NID1: variants seen among roughly 807,000 people sequenced by gnomAD.
NID1 encodes nidogen-1.
A neutral mutation model predicts 130.6 loss-of-function variants in NID1; 76 were observed. That is an observed-to-expected ratio of 0.58 (90% CI 0.48 to 0.70). The LOEUF (loss-of-function observed/expected upper bound fraction) is 0.70, where lower values mean the gene tolerates loss of function less well. Ranked by LOEUF, NID1 falls within the 30% of genes least tolerant of loss-of-function variation. The pLI, the probability that NID1 is intolerant of heterozygous loss-of-function variation, is 0.00. For synonymous variants in NID1, 665 were observed against 675.1 expected, an observed-to-expected ratio of 0.98 and a Z score of 0.23; for missense variants, 1,517 against 1,664.8, an observed-to-expected ratio of 0.91 and a Z score of 1.54.
At chr1:236,025,540 G>A (rs1227136164) in intron 8 of NID1, among the ~76,000 whole-genome samples, 1 of 152,176 alleles carries the variant, frequency 6.6e-6, no homozygotes, top group Non-Finnish European at 1.5e-5. Flanking sequence ...GGGATTACAG[G>A]CATGAGCCAC....
intron 1 of NID1, chr1:236,064,618 G>T (rs1004846737): frequency 3.8e-6 from 2 of 531,810 alleles, no homozygotes; most frequent in Non-Finnish European, 6.8e-6. Context: ...CCGGGGTCAC[G>T]GCCCGGGGCG....
intron 1 of NID1, among the ~76,000 whole-genome samples, chr1:236,057,884 AG>A (rs1659940348): frequency 6.6e-6 from 1 of 152,058 alleles, no homozygotes; most frequent in Non-Finnish European, 1.5e-5. Context: ...CCTCCCAACC[AG>A]GGTTTATCAC....
chr1:236,041,620 G>A (rs761061381), intron 4 of NID1, among the ~76,000 whole-genome samples: 3 of 152,116 alleles, frequency 2.0e-5, no homozygotes, highest in Non-Finnish European at 4.4e-5. Context: ...TCTAACGGAC[G>A]TTTTCTCTTT....
intron 5 of NID1, among the ~76,000 whole-genome samples, chr1:236,036,874 T>A (rs879178876): frequency 6.6e-6 from 1 of 152,220 alleles, no homozygotes; most frequent in Non-Finnish European, 1.5e-5. Flanking sequence ...TCAGCCTCCA[T>A]CACTGTAAGA....
chr1:236,002,640 C>T (rs1290800059), intron 12 of NID1, among the ~76,000 whole-genome samples: 1 of 152,128 alleles, frequency 6.6e-6, no homozygotes, highest in African/African-American at 2.4e-5. Flanking sequence ...AGAGTGCAGA[C>T]GGATAGGAAG....
chr1:236,024,133 G>A lies in NID1; in HGVS notation c.2065C>T (p.Pro689Ser). 6.2e-7 allele frequency: 1 copy of A among 1,614,246 alleles called. No individual in the cohort carries two copies. Among genetic ancestry groups the A allele is most frequent in the Non-Finnish European group, 8.5e-7 (1 of 1,180,044 alleles). The change falls in exon 9 of 20, where the codon CCC (proline) becomes TCC (serine). Residue 689 changes from proline (P) to serine (S), a missense_variant. Transcript: ENST00000264187. ...CACTCGCAGGTGAACTGTGTCCTGGGACCAGGGCGACAGGCCGCGTTGGTG... is the reference window on the plus strand; with the variant it reads ...CACTCGCAGGTGAACTGTGTCCTGGAACCAGGGCGACAGGCCGCGTTGGTG... ...CDTNAACRPG[P>S]RTQFTCECSI...
At chr1:235,992,985 G>A (rs201738232) in intron 13 of NID1, among the ~76,000 whole-genome samples, 2 of 151,824 alleles carry the variant, frequency 1.3e-5, no homozygotes, top group Non-Finnish European at 2.9e-5. Context: ...GACTGGGGAC[G>A]CTGAGGCTGG....
At chr1:236,051,634 C>T (rs1057275946) in intron 1 of NID1, among the ~76,000 whole-genome samples, 1 of 152,198 alleles carries the variant, frequency 6.6e-6, no homozygotes, top group Non-Finnish European at 1.5e-5. Flanking sequence ...CTTCTTCCAG[C>T]CGGTCCCTCT....
intron 12 of NID1, among the ~76,000 whole-genome samples, chr1:235,999,078 T>C (rs1216608795): frequency 6.6e-6 from 1 of 152,232 alleles, no homozygotes; most frequent in African/African-American, 2.4e-5. Context: ...ACAACAGCGA[T>C]GTACACACAG....
In NID1 at chr1:236,042,297, G is replaced by A; in HGVS notation, c.753-5C>T. 3 of 1,598,198 alleles carry A rather than the reference G, an allele frequency of 1.9e-6. No individual in the cohort carries two copies. The highest frequency in any genetic ancestry group is 2.2e-5 in the East Asian group (1 of 44,816). On this transcript the variant is annotated splice_polypyrimidine_tract_variant and splice_region_variant and intron_variant, in intron 3 of 19. Coordinates refer to ENST00000264187, the MANE Select transcript of NID1 (RefSeq NM_002508.3). ...TGCTGCCCAGAGTTACTACTCCTAG[G>A]AGGAAGGACAGGCTTCTTAGAAACA...
intron 5 of NID1, among the ~76,000 whole-genome samples, chr1:236,037,227 T>C (rs1659285892): frequency 6.6e-6 from 1 of 152,158 alleles, no homozygotes; most frequent in Non-Finnish European, 1.5e-5. Flanking sequence ...TCTCTGATGC[T>C]CAACTGTAAC....
intron 12 of NID1, among the ~76,000 whole-genome samples, chr1:235,997,622 T>A (rs1224764794): frequency 2.2e-5 from 3 of 138,382 alleles, no homozygotes; most frequent in Admixed American, 7.2e-5. Context: ...TTTTTTTTTT[T>A]AAATTAGAGT....
In NID1 at chr1:236,048,906, T is replaced by C. The variant is rs1659688768; in HGVS notation, c.309A>G (p.Ala103=). 1.9e-6 allele frequency: 3 copies of C among 1,614,038 alleles called. No individual in the cohort carries two copies. The highest frequency in any genetic ancestry group is 2.5e-6 in the Non-Finnish European group (3 of 1,180,010). The change falls in exon 2 of 20, where the codon GCA becomes GCG. Residue 103 remains alanine, a synonymous_variant. Transcript: ENST00000264187. The part of the protein sequence containing the change: ...HPGLFPPTFG[A]VAPFLADLDT... ...CCAAGTCCGCCAGGAAAGGGGCGAC[T>C]GCACCGAATGTTGGTGGGAAGAGCC...
intron 12 of NID1, among the ~76,000 whole-genome samples, chr1:235,994,934 C>T (rs371971893): frequency 4.6e-5 from 7 of 152,072 alleles, no homozygotes; most frequent in East Asian, 1.9e-4. Context: ...TCTTGATAAC[C>T]GACAAGTCAA....
chr1:236,043,508 C>T (rs1463757705), intron 3 of NID1, among the ~76,000 whole-genome samples: 1 of 152,010 alleles, frequency 6.6e-6, no homozygotes, highest in African/African-American at 2.4e-5. Flanking sequence ...TTAGAAATCC[C>T]AACTCCAGGG....
At chr1:236,029,177 CAAA>C (rs9287272) in intron 7 of NID1, among the ~76,000 whole-genome samples, 22,036 of 132,552 alleles carry the variant, frequency 0.17, 2,828 homozygotes, top group East Asian at 0.45. Flanking sequence ...AACCCTGTCT[CAAA>C]AAAAAAAAAA....
chr1:236,045,459 G>C lies in NID1; in HGVS notation c.750C>G (p.Ala250=). The stretch of plus-strand genomic sequence containing the variant: ...ACTGAAGAACAAAGAAAGCATACTT[G>C]GCCAAATTTTCAACTGATTCCCTGT... ...ANDRESVENL[A]KSSNSGQQGV... is the part of the protein sequence containing the mutation. The change falls in exon 3 of 20, where the codon GCC becomes GCG. Residue 250 remains alanine (A), a splice_region_variant and synonymous_variant. Transcript: ENST00000264187. The C allele has an allele frequency of 6.2e-7, 1 of 1,611,976 alleles. No individual in the cohort carries two copies. Among genetic ancestry groups the C allele is most frequent in the East Asian group, 2.2e-5 (1 of 44,860 alleles).
intron 1 of NID1, 159 bp downstream of exon 1, chr1:236,064,696 G>A (rs1660142403): frequency 2.9e-6 from 2 of 684,996 alleles, no homozygotes; most frequent in Middle Eastern, 3.3e-4. Flanking sequence ...AGACCTTCGC[G>A]GACCCTGCAG....
At chr1:236,013,008 GAGA>G (rs1658478696) in intron 11 of NID1, among the ~76,000 whole-genome samples, 1 of 152,170 alleles carries the variant, frequency 6.6e-6, no homozygotes, top group African/African-American at 2.4e-5. Context: ...TTTTTTGAAG[GAGA>G]AGGTTAGAAC....
Sources: allele counts gnomAD v4.1 joint callset (sites outside exome capture counted in the v4.1 genomes callset), GRCh38; gene constraint gnomAD v4.1.1; transcripts MANE v1.5; gene names NCBI Gene and HGNC (gene_info 2026-07-23, HGNC 2026-07-21).